The following TRPM3 variants were observed in gnomAD, a reference collection of about 807,000 sequenced individuals.
The protein encoded by TRPM3 is transient receptor potential cation channel subfamily M member 3, also known as long transient receptor potential channel 3.
In TRPM3, 77 loss-of-function variants were observed where a neutral mutation model predicts 181.2. The ratio of observed to expected loss-of-function variants is 0.42; its 90% CI spans 0.35 to 0.51. TRPM3 has a LOEUF of 0.51. Among genes scored for constraint, TRPM3 ranks in the 20% least tolerant of loss-of-function variants. The pLI is 0.01. For missense variants in TRPM3, 1,759 were observed against 2,196.7 expected (o/e 0.80, Z 3.98); for synonymous variants, 745 against 796.4 (o/e 0.94, Z 1.09).
rs1463212335 is a variant in TRPM3 at position 70,531,677 on chromosome 9, C to G, written c.*4276G>C. ...ATTTATAAAATACTGTACACTGCTTCTGCATGGGGTTGGCAGATGTAAACA... is the reference window on the plus strand; with the variant it reads ...ATTTATAAAATACTGTACACTGCTTGTGCATGGGGTTGGCAGATGTAAACA... On this transcript the variant is annotated 3_prime_UTR_variant, in exon 26 of 26. Coordinates refer to ENST00000677713, the MANE Select transcript of TRPM3 (RefSeq NM_001366145.2). 1 of 152,206 alleles carries G rather than the reference C, an allele frequency of 6.6e-6. No individual in the cohort carries two copies. The highest frequency in any genetic ancestry group is 2.4e-5 in the African/African-American group (1 of 41,466). 9.4% of individuals were successfully genotyped at this position (152,206 alleles called of 1,614,324 possible).
chr9:70,900,137 T>C (rs979912133), intron 1 of TRPM3, among the ~76,000 whole-genome samples: 5 of 152,238 alleles, frequency 3.3e-5, no homozygotes, highest in South Asian at 2.1e-4. Flanking sequence ...ATCATACTTA[T>C]TAGGGGACAA....
intron 1 of TRPM3, among the ~76,000 whole-genome samples, chr9:71,134,422 T>G (rs1013707412): frequency 7.9e-5 from 12 of 151,610 alleles, no homozygotes; most frequent in South Asian, 4.2e-4. Flanking sequence ...TGTGATGGTG[T>G]GCACCTGTAG....
At chr9:71,047,161 T>G (rs1012471334) in intron 1 of TRPM3, among the ~76,000 whole-genome samples, 1 of 152,220 alleles carries the variant, frequency 6.6e-6, no homozygotes, top group East Asian at 1.9e-4. Flanking sequence ...GTTTTTCCAG[T>G]AGATGGAAAA....
intron 1 of TRPM3, among the ~76,000 whole-genome samples, chr9:70,951,486 C>T (rs572569233): frequency 8.2e-4 from 125 of 152,230 alleles, no homozygotes; most frequent in Non-Finnish European, 1.5e-3. Context: ...GGACTACAGG[C>T]ATGCACAACC....
intron 1 of TRPM3, among the ~76,000 whole-genome samples, chr9:71,109,328 A>G (rs1156456993): frequency 6.6e-6 from 1 of 151,798 alleles, no homozygotes. Flanking sequence ...CCTGACTAAT[A>G]CAATCTACAA....
At chr9:71,417,720 T>C (rs2093658019) in intron 1 of TRPM3, among the ~76,000 whole-genome samples, 1 of 152,006 alleles carries the variant, frequency 6.6e-6, no homozygotes, top group Admixed American at 6.6e-5. Flanking sequence ...CTTTTATTAT[T>C]TCACATAGAC....
chr9:71,270,673 T>C (rs2083722441), intron 1 of TRPM3, among the ~76,000 whole-genome samples: 1 of 152,180 alleles, frequency 6.6e-6, no homozygotes, highest in African/African-American at 2.4e-5. Flanking sequence ...CCTAATACCT[T>C]TACTCCTGGT....
At chr9:70,933,727 T>G (rs1254452710) in intron 1 of TRPM3, among the ~76,000 whole-genome samples, 1 of 151,720 alleles carries the variant, frequency 6.6e-6, no homozygotes, top group African/African-American at 2.4e-5. Flanking sequence ...TGCGTTTGTT[T>G]AAAGATGTGT....
chr9:70,890,911 A>T (rs1389504022), intron 1 of TRPM3, among the ~76,000 whole-genome samples: 1 of 152,010 alleles, frequency 6.6e-6, no homozygotes, highest in African/African-American at 2.4e-5. Flanking sequence ...ACAGCCACTC[A>T]AGGCTGGAGT....
chr9:70,606,649 G>GTATATA lies in TRPM3; in HGVS notation c.2668-3180_2668-3179insTATATA, dbSNP rs199770909. 6.4e-3 allele frequency among the ~76,000 whole-genome samples: 502 copies of GTATATA among 77,868 alleles called. 1 individual carries two copies. The highest frequency in any genetic ancestry group is 0.014 in the East Asian group (36 of 2,638). 51.1% of individuals were successfully genotyped at this position (77,868 alleles called of 152,430 possible). On this transcript the variant is annotated intron_variant, in intron 19 of 25. Transcript: ENST00000677713. ...TTTAATTGTGTGTGTGTGTGTGTGTGTGTATATATATATATATATGTATAC... is the reference window on the plus strand; with the variant it reads ...TTTAATTGTGTGTGTGTGTGTGTGTGTATATATGTATATATATATATATATGTATAC...
intron 7 of TRPM3, among the ~76,000 whole-genome samples, chr9:70,783,551 G>A (rs368872158): frequency 3.7e-4 from 57 of 152,308 alleles, no homozygotes; most frequent in African/African-American, 1.3e-3. Flanking sequence ...GAAAGGGCAT[G>A]AGGGGTTCAA....
intron 20 of TRPM3, among the ~76,000 whole-genome samples, chr9:70,601,557 G>A (rs546170170): frequency 6.6e-6 from 1 of 152,276 alleles, no homozygotes; most frequent in South Asian, 2.1e-4. Flanking sequence ...CAGGGGTTGG[G>A]GCGCCGCCTC....
chr9:70,691,621 C>CA (rs2068587329), intron 8 of TRPM3, among the ~76,000 whole-genome samples: 1 of 151,876 alleles, frequency 6.6e-6, no homozygotes, highest in Non-Finnish European at 1.5e-5. Context: ...TTCCTCCCAC[C>CA]GTCATTTAAG....
intron 1 of TRPM3, among the ~76,000 whole-genome samples, chr9:71,193,735 T>G (rs556178910): frequency 6.6e-6 from 1 of 152,078 alleles, no homozygotes; most frequent in South Asian, 2.1e-4. Context: ...CAGTGGATGA[T>G]GTTACCATCC....
Position 71,200,180 on chromosome 9 carries a change from G to C in TRPM3, c.183+246473C>G, listed in dbSNP as rs11526407. Among the ~76,000 whole-genome samples, 1,035 of 152,176 alleles carry C rather than the reference G, an allele frequency of 6.8e-3. 46 individuals are homozygous for C. Among genetic ancestry groups the C allele is most frequent in the Admixed American group, 0.059 (901 of 15,280 alleles). ...TGTTCAGTTTCCATGTAGTTGAGTGGTTTTGAGTGAGTTTCTTAATCCTGA... is the reference window on the plus strand; with the variant it reads ...TGTTCAGTTTCCATGTAGTTGAGTGCTTTTGAGTGAGTTTCTTAATCCTGA... On this transcript the variant is annotated intron_variant, in intron 1 of 24. Coordinates refer to the TRPM3 transcript ENST00000357533.
chr9:71,103,153 C>T (rs1439325332), intron 1 of TRPM3, among the ~76,000 whole-genome samples: 2 of 152,084 alleles, frequency 1.3e-5, no homozygotes, highest in Admixed American at 6.6e-5. Flanking sequence ...TTAAAAGGCC[C>T]ATCCTCAATA....
intron 7 of TRPM3, among the ~76,000 whole-genome samples, chr9:70,779,928 C>T (rs2082147951): frequency 6.6e-6 from 1 of 152,090 alleles, no homozygotes; most frequent in Non-Finnish European, 1.5e-5. Flanking sequence ...GTACTATATG[C>T]CATAGAGCAG....
At chr9:71,386,837 T>C (rs2092935049) in intron 1 of TRPM3, among the ~76,000 whole-genome samples, 1 of 152,186 alleles carries the variant, frequency 6.6e-6, no homozygotes. Context: ...ACAATCAGTG[T>C]TCCGTAAAAA....
chr9:71,415,485 C>A (rs2093622698), intron 1 of TRPM3, among the ~76,000 whole-genome samples: 1 of 151,896 alleles, frequency 6.6e-6, no homozygotes. Flanking sequence ...CTAAAGAGAA[C>A]AACTTTTTTT....
Sources: gnomAD v4.1 joint callset for allele counts (sites outside exome capture counted in the v4.1 genomes callset) on GRCh38, gnomAD v4.1.1 for gene constraint, MANE v1.5 for transcripts, NCBI Gene and HGNC (gene_info 2026-07-23, HGNC 2026-07-21) for gene names.